The following L3MBTL4 variants were observed in gnomAD, a reference collection of about 807,000 sequenced individuals.
L3MBTL4 encodes the protein L3MBTL histone methyl-lysine binding protein 4.
L3MBTL4 carries 70 observed loss-of-function variants against 84.5 expected under a neutral mutation model. The observed-to-expected ratio is 0.83, with a 90% confidence interval of 0.68 to 1.01. L3MBTL4 has a LOEUF of 1.01. Among genes scored for constraint, L3MBTL4 ranks in the 50% least tolerant of loss-of-function variants. The pLI, the probability that L3MBTL4 is intolerant of heterozygous loss-of-function variation, is 0.00. For missense variants in L3MBTL4, 715 were observed against 754.8 expected (o/e 0.95, Z 0.62); for synonymous variants, 274 against 259.8 (o/e 1.05, Z -0.52).
At chr18:6,213,086 G>T (rs2046178350) in intron 12 of L3MBTL4, 63 bp downstream of exon 12, 2 of 882,894 alleles carry the variant, frequency 2.3e-6, no homozygotes, top group African/African-American at 1.7e-5. Flanking sequence ...TGGGAGGGTA[G>T]AGGAAACAAA....
At chr18:6,353,447 G>A (rs1049824636) in intron 1 of L3MBTL4, among the ~76,000 whole-genome samples, 1 of 152,076 alleles carries the variant, frequency 6.6e-6, no homozygotes, top group Non-Finnish European at 1.5e-5. Context: ...TCAGTGATAT[G>A]TTTTTAAAAT....
intron 14 of L3MBTL4, among the ~76,000 whole-genome samples, chr18:6,100,224 C>T (rs1824636172): frequency 6.6e-6 from 1 of 152,178 alleles, no homozygotes; most frequent in Non-Finnish European, 1.5e-5. Flanking sequence ...CAAGGCCTCA[C>T]ATAGTGACCA....
At chr18:6,207,119 G>C (rs2045908600) in intron 12 of L3MBTL4, among the ~76,000 whole-genome samples, 1 of 152,186 alleles carries the variant, frequency 6.6e-6, no homozygotes, top group East Asian at 1.9e-4. Flanking sequence ...ATTGTTTCAT[G>C]ACATGTGAAA....
At chr18:6,295,126 T>G (rs927000711) in intron 4 of L3MBTL4, among the ~76,000 whole-genome samples, 3 of 151,542 alleles carry the variant, frequency 2.0e-5, no homozygotes, top group Admixed American at 1.3e-4. Flanking sequence ...ACAAAAATTA[T>G]CTGGGCATGG....
chr18:6,020,150 T>C (rs2055184176), intron 16 of L3MBTL4, among the ~76,000 whole-genome samples: 1 of 152,182 alleles, frequency 6.6e-6, no homozygotes, highest in South Asian at 2.1e-4. Context: ...ATAGGGATTA[T>C]AGGATTTATG....
chr18:6,274,068 T>C (rs1331246788), intron 4 of L3MBTL4, among the ~76,000 whole-genome samples: 3 of 152,198 alleles, frequency 2.0e-5, no homozygotes, highest in Admixed American at 2.0e-4. Flanking sequence ...TCTACTATAA[T>C]GTGAAGAAAC....
At chr18:6,404,083 T>C (rs1437211806) in intron 1 of L3MBTL4, among the ~76,000 whole-genome samples, 1 of 109,352 alleles carries the variant, frequency 9.1e-6, no homozygotes, top group Non-Finnish European at 1.8e-5. Flanking sequence ...CAATGGACTT[T>C]GGGGACTTGG....
chr18:6,237,825 T>C (rs1056622540), intron 10 of L3MBTL4, 139 bp downstream of exon 10: 6 of 686,124 alleles, frequency 8.7e-6, no homozygotes, highest in Admixed American at 7.0e-5. Flanking sequence ...AGACACTTGG[T>C]GGTCAACAGA....
At chr18:6,064,812 T>G (rs1301209848) in intron 16 of L3MBTL4, among the ~76,000 whole-genome samples, 2 of 152,064 alleles carry the variant, frequency 1.3e-5, no homozygotes, top group East Asian at 3.8e-4. Flanking sequence ...CAATCTGAGT[T>G]ATTCTTTTCC....
At chr18:6,152,604 T>A (rs1375784734) in intron 13 of L3MBTL4, among the ~76,000 whole-genome samples, 1 of 152,166 alleles carries the variant, frequency 6.6e-6, no homozygotes, top group South Asian at 2.1e-4. Flanking sequence ...AGATTTTTGG[T>A]TTTTTGCTAT....
At chr18:6,183,590 T>G (rs1203596467) in intron 12 of L3MBTL4, among the ~76,000 whole-genome samples, 1 of 152,176 alleles carries the variant, frequency 6.6e-6, no homozygotes. Context: ...TTCTACTAAA[T>G]CACATGAAGA....
At chr18:5,985,766 G>T (rs2053437085) in intron 16 of L3MBTL4, among the ~76,000 whole-genome samples, 1 of 152,140 alleles carries the variant, frequency 6.6e-6, no homozygotes. Flanking sequence ...TCCATGGGGT[G>T]GTTTTAGAGC....
At chr18:6,002,590 A>C (rs2054260797) in intron 16 of L3MBTL4, among the ~76,000 whole-genome samples, 1 of 152,120 alleles carries the variant, frequency 6.6e-6, no homozygotes, top group Non-Finnish European at 1.5e-5. Context: ...TTTGTATGCT[A>C]TTGAAATTAA....
chr18:6,279,491 G>C (rs1028439279), intron 4 of L3MBTL4, among the ~76,000 whole-genome samples: 1 of 152,130 alleles, frequency 6.6e-6, no homozygotes, highest in African/African-American at 2.4e-5. Context: ...TCCTGAATGG[G>C]CCCAGTCCTG....
chr18:6,106,576 G>C (rs2059016780), intron 14 of L3MBTL4, among the ~76,000 whole-genome samples: 3 of 152,148 alleles, frequency 2.0e-5, no homozygotes, highest in Admixed American at 6.5e-5. Flanking sequence ...GGGACAAGCT[G>C]TAATTTATAA....
chr18:6,255,779 C>CAA (rs80253863), intron 5 of L3MBTL4, among the ~76,000 whole-genome samples: 153 of 66,186 alleles, frequency 2.3e-3, no homozygotes, highest in African/African-American at 7.0e-3. Context: ...ATATAAAAGG[C>CAA]AAAAAAAAAA....
At chr18:6,227,563 T>G (rs1248054690) in intron 10 of L3MBTL4, among the ~76,000 whole-genome samples, 1 of 152,198 alleles carries the variant, frequency 6.6e-6, no homozygotes, top group Admixed American at 6.5e-5. Flanking sequence ...TAATACTAAT[T>G]TTAAACCTGC....
intron 16 of L3MBTL4, among the ~76,000 whole-genome samples, chr18:6,066,235 C>T (rs546752628): frequency 6.6e-6 from 1 of 152,102 alleles, no homozygotes; most frequent in Admixed American, 6.5e-5. Flanking sequence ...GTTATGATTT[C>T]GATTTTTAAA....
At chr18:6,398,532 C>T (rs1205188534) in intron 1 of L3MBTL4, among the ~76,000 whole-genome samples, 1 of 152,170 alleles carries the variant, frequency 6.6e-6, no homozygotes, top group Non-Finnish European at 1.5e-5. Context: ...CTTTGCACAT[C>T]ACAGAGGCAA....
Sources: gnomAD v4.1 joint callset for allele counts (sites outside exome capture counted in the v4.1 genomes callset) on GRCh38, gnomAD v4.1.1 for gene constraint, MANE v1.5 for transcripts, NCBI Gene and HGNC (gene_info 2026-07-23, HGNC 2026-07-21) for gene names.